Variants in PER1 observed in about 807,000 individuals in gnomAD.
PER1 encodes the protein period circadian regulator 1, also known as period circadian protein homolog 1.
A neutral mutation model predicts 125.9 loss-of-function variants in PER1; 87 were observed. The ratio of observed to expected loss-of-function variants is 0.69; its 90% confidence interval spans 0.58 to 0.83. PER1 has a LOEUF of 0.83. PER1 is among the 40% of genes least tolerant of loss of function. The probability of loss-of-function intolerance (pLI) is 0.00; values close to 1 mark genes in which losing one functional copy is unlikely to be tolerated. For synonymous variants in PER1, 801 were observed against 714.7 expected (o/e 1.12, Z -1.93); for missense variants, 1,775 against 1,722.8 (o/e 1.03, Z -0.54).
chr17:8,148,794 A>C lies in PER1; in HGVS notation c.906-8T>G. ...TCCCGGTCAGGACCTCCTCTAGCAA[A>C]GGAGAGAGGAGCATTAGGGACTTTC... On this transcript the variant is annotated splice_region_variant and splice_polypyrimidine_tract_variant and intron_variant, in intron 7 of 22. Transcript: ENST00000317276. 6.2e-7 allele frequency: 1 copy of C among 1,613,066 alleles called. No homozygotes were observed.
chr17:8,147,137 C>T (rs1982502245), intron 13 of PER1, 113 bp downstream of exon 13: 2 of 1,433,662 alleles, frequency 1.4e-6, no homozygotes, highest in Non-Finnish European at 1.9e-6. Context: ...AAGGAAAAGG[C>T]AGGAAGGAGA....
chr17:8,143,415 T>C lies in PER1; in HGVS notation c.2923A>G (p.Asn975Asp). Residue 975 changes from asparagine to aspartate, a missense_variant, in exon 19 of 23, where the codon AAC becomes GAC. Coordinates refer to ENST00000317276, the MANE Select transcript of PER1 (RefSeq NM_002616.3). Reference protein sequence around the residue: ...PPHRPDSPLFNSRCSSPLQLN... With the variant: ...PPHRPDSPLFDSRCSSPLQLN... ...TGGAGTGGAGAGCTGCATCTCGAGT[T>C]GAACAGTGGAGAGTCCGGGCGGTGA... 6.2e-7 allele frequency: 1 copy of C among 1,612,596 alleles called. No homozygotes were observed. Among genetic ancestry groups the C allele is most frequent in the Non-Finnish European group, 8.5e-7 (1 of 1,179,438 alleles).
At chr17:8,148,338 G>T (rs1248854165) in intron 8 of PER1, 79 bp from the exon 9 acceptor site, 3 of 1,227,832 alleles carry the variant, frequency 2.4e-6, no homozygotes, top group South Asian at 1.3e-5. Flanking sequence ...CTGGGCCCAG[G>T]CTGGCTGATG....
chr17:8,147,005 G>A lies in PER1; in HGVS notation c.1630-3C>T. On this transcript the variant is annotated splice_polypyrimidine_tract_variant and splice_region_variant and intron_variant, in intron 13 of 22. Transcript: ENST00000317276. Reference sequence around the variant, plus strand: ...TTACAGATCTGCTGGAAAGTCACCTGTGGGACACAGCACCACAGTGAGCAG... The same window carrying A: ...TTACAGATCTGCTGGAAAGTCACCTATGGGACACAGCACCACAGTGAGCAG... 6.2e-7 allele frequency: 1 copy of A among 1,610,670 alleles called. No individual in the cohort carries two copies.
Position 8,144,780 on chromosome 17 carries a change from G to A in PER1, c.2432C>T (p.Ser811Phe), listed in dbSNP as rs1266900373. Residue 811 changes from serine (S) to phenylalanine (F), a missense_variant, in exon 18 of 23, where the codon TCC (serine) becomes TTC (phenylalanine). Transcript: ENST00000317276. ...LGRLRGLDSSSTAPSALGERG... is the reference protein window; with the variant it reads ...LGRLRGLDSSFTAPSALGERG... ...CTCGCCAAGGGCTGAGGGAGCTGTG[G>A]AAGAGCTGTCGAGTCCACGCAGCCT... The A allele has an allele frequency of 6.3e-7, 1 of 1,581,456 alleles. No individual in the cohort carries two copies. The highest frequency in any genetic ancestry group is 8.6e-7 in the Non-Finnish European group (1 of 1,164,444).
chr17:8,142,872 G>A (rs571453652), intron 19 of PER1, 37 bp from the exon 20 acceptor site: 18 of 1,492,370 alleles, frequency 1.2e-5, no homozygotes, highest in Admixed American at 3.9e-5. Flanking sequence ...GGATGGAGGG[G>A]TCAGCACCTA....
intron 8 of PER1, 92 bp downstream of exon 8, chr17:8,148,552 G>A (rs892494705): frequency 2.1e-6 from 3 of 1,412,738 alleles, no homozygotes; most frequent in East Asian, 2.3e-5. Flanking sequence ...AAAATTCAAA[G>A]GGTGTGGTTC....
At position 8,150,782 on chromosome 17, in the gene PER1, G is replaced by C. The variant is rs746139074; in HGVS notation, c.-76C>G. ...ATGCACGAGGGGGCCTGGAGGCTTG[G>C]CTGAGGGAGTGAGGTGGAAGATCTA... On this transcript the variant is annotated 5_prime_UTR_variant, in exon 2 of 23. Transcript: ENST00000317276. The C allele has an allele frequency of 7.3e-7, 1 of 1,365,328 alleles. No homozygotes were observed. The highest frequency in any genetic ancestry group is 2.3e-5 in the East Asian group (1 of 42,620). The allele number at this position is 1,365,328 out of a possible 1,614,324, so 84.6% of individuals were successfully genotyped here. A position where few individuals can be genotyped will look rare whatever the true frequency, so the allele number is the denominator to read the frequency against.
At chr17:8,142,584 G>A in intron 20 of PER1, 65 bp downstream of exon 20, 2 of 1,588,722 alleles carry the variant, frequency 1.3e-6, no homozygotes, top group East Asian at 2.2e-5. Context: ...GCCAAGACGG[G>A]GCCTGGGCTC....
At position 8,147,738 on chromosome 17, in the gene PER1, C is replaced by G; in HGVS notation, c.1324G>C (p.Ala442Pro). Reference protein sequence around the residue: ...GEYVTMDTSWAGFVHPWSRKV... With the variant: ...GEYVTMDTSWPGFVHPWSRKV... ...CGGCTCCAGGGGTGCACAAAGCCAG[C>G]CCAGCTGGTGTCCATGGTGACATAC... The change falls in exon 11 of 23, where the codon GCT becomes CCT. Residue 442 changes from alanine to proline, a missense_variant. Ala to Pro is a conservative substitution (Grantham distance 27, BLOSUM62 -1). Transcript: ENST00000317276. The G allele has an allele frequency of 6.2e-7, 1 of 1,614,104 alleles. No homozygotes were observed. The highest frequency in any genetic ancestry group is 8.5e-7 in the Non-Finnish European group (1 of 1,180,024).
chr17:8,148,370 C>A, intron 8 of PER1, 111 bp from the exon 9 acceptor site: 1 of 950,150 alleles, frequency 1.1e-6, no homozygotes, highest in East Asian at 2.5e-5. Flanking sequence ...AGCTCTGCCC[C>A]GGGCACTATG....
intron 7 of PER1, 104 bp downstream of exon 7, chr17:8,149,155 G>C (rs1296783268): frequency 3.3e-5 from 35 of 1,073,648 alleles, no homozygotes; most frequent in East Asian, 4.8e-5. Flanking sequence ...TGCCACCGCA[G>C]TCCAGCCTGG....
At chr17:8,141,391 A>C (rs757948265) in intron 22 of PER1, 51 bp from the exon 23 acceptor site, 1 of 1,538,448 alleles carries the variant, frequency 6.5e-7, no homozygotes, top group Admixed American at 1.9e-5. Context: ...CTCACTGCTA[A>C]CCTGCCAGCG....
chr17:8,147,406 G>A lies in PER1; in HGVS notation c.1498-25C>T, dbSNP rs1242773058. On this transcript the variant is annotated intron_variant, in intron 12 of 22. Coordinates refer to ENST00000317276, the MANE Select transcript of PER1 (RefSeq NM_002616.3). ...GCTGCAGCAGGGAGAGGGCAGGTTA[G>A]ATGGCTTGACCCGGCTTCCCACACC... The A allele has an allele frequency of 3.1e-6, 5 of 1,613,372 alleles. No individual in the cohort carries two copies. The African/African-American group carries it at 5.3e-5, about 17-fold the overall frequency.
Position 8,150,507 on chromosome 17 carries a change from T to G in PER1, c.200A>C (p.Gln67Pro). The G allele has an allele frequency of 1.2e-6, 2 of 1,613,814 alleles. No homozygotes were observed. The highest frequency in any genetic ancestry group is 1.7e-6 in the Non-Finnish European group (2 of 1,179,680). The change falls in exon 2 of 23, where the codon CAG (glutamine) becomes CCG (proline). Residue 67 changes from glutamine (Q) to proline (P), a missense_variant. Transcript: ENST00000317276. ...TGAGGAGGAGCTGTGTGAGCTCCGCTGAGATGCGCCTCTAGACTCATGCCC... is the reference window on the plus strand; with the variant it reads ...TGAGGAGGAGCTGTGTGAGCTCCGCGGAGATGCGCCTCTAGACTCATGCCC... Reference protein sequence around the residue: ...SNGHESRGASQRSSHSSSSGN... With the variant: ...SNGHESRGASPRSSHSSSSGN...
Position 8,147,232 on chromosome 17 carries a change from T to G in PER1, c.1629+18A>C. On this transcript the variant is annotated intron_variant, in intron 13 of 22. Coordinates refer to ENST00000317276, the MANE Select transcript of PER1 (RefSeq NM_002616.3). ...GGGAAAGGGCGATTAGAGGGTGAGG[T>G]AGGAGCAGGTCACTCACTGGCGCAG... 2 of 1,594,524 alleles carry G rather than the reference T, an allele frequency of 1.3e-6. No individual in the cohort carries two copies. Among genetic ancestry groups the G allele is most frequent in the Non-Finnish European group, 1.7e-6 (2 of 1,170,438 alleles).
intron 19 of PER1, among the ~76,000 whole-genome samples, 193 bp downstream of exon 19, chr17:8,143,073 T>C (rs1982182171): frequency 6.6e-6 from 1 of 152,216 alleles, no homozygotes; most frequent in Admixed American, 6.5e-5. Flanking sequence ...CCTCACCACC[T>C]GTCAGACAGA....
In PER1 at chr17:8,140,982, G is replaced by A. The variant is rs1408290215; in HGVS notation, c.*86C>T. 12 of 1,440,990 alleles carry A rather than the reference G, an allele frequency of 8.3e-6. No individual in the cohort carries two copies. Among genetic ancestry groups the A allele is most frequent in the African/African-American group, 5.7e-5 (4 of 70,520 alleles). The allele number at this position is 1,440,990 out of a possible 1,614,324, so 89.3% of individuals were successfully genotyped here. A position where few individuals can be genotyped will look rare whatever the true frequency, so the allele number is the denominator to read the frequency against. Reference sequence around the variant, plus strand: ...AAGCTGGGGCAGTTTCCCACTGGTTGGTCTAGCCACATCTGAGTTCTGAGA... The same window carrying A: ...AAGCTGGGGCAGTTTCCCACTGGTTAGTCTAGCCACATCTGAGTTCTGAGA... On this transcript the variant is annotated 3_prime_UTR_variant, in exon 23 of 23. Transcript: ENST00000317276.
rs369376024 is a variant in PER1, at chr17:8,147,957, C to T, written c.1234+40G>A. The T allele has an allele frequency of 3.8e-6, 6 of 1,594,620 alleles. No homozygotes were observed. The African/African-American group carries it at 8.0e-5, about 21-fold the overall frequency. Reference sequence around the variant, plus strand: ...CCACAAGGGCAGCCACTCAAAAGCCCAGGACAGTGGGAAGGGCGAGCAGGG... The same window carrying T: ...CCACAAGGGCAGCCACTCAAAAGCCTAGGACAGTGGGAAGGGCGAGCAGGG... On this transcript the variant is annotated intron_variant, in intron 10 of 22. Coordinates refer to ENST00000317276, the MANE Select transcript of PER1 (RefSeq NM_002616.3).
Sources: gnomAD v4.1 joint callset for allele counts (sites outside exome capture counted in the v4.1 genomes callset) on GRCh38, gnomAD v4.1.1 for gene constraint, MANE v1.5 for transcripts, NCBI Gene and HGNC (gene_info 2026-07-23, HGNC 2026-07-21) for gene names.